Variants in DDAH1 observed in about 807,000 individuals in gnomAD.
DDAH1 encodes dimethylarginine dimethylaminohydrolase 1.
DDAH1 carries 19 observed loss-of-function variants against 28.8 expected under a neutral mutation model. That is an observed-to-expected ratio of 0.66 (90% confidence interval 0.46 to 0.97). The LOEUF (loss-of-function observed/expected upper bound fraction) is 0.97. Ranked by LOEUF, DDAH1 falls within the 50% of genes least tolerant of loss-of-function variation. The pLI is 0.00. For synonymous variants in DDAH1, 153 were observed against 154.4 expected (o/e 0.99, Z 0.07); for missense variants, 326 against 375.9 (o/e 0.87, Z 1.10).
intron 1 of DDAH1, among the ~76,000 whole-genome samples, chr1:85,573,588 G>C (rs1222604983): frequency 7.9e-5 from 12 of 152,136 alleles, no homozygotes; most frequent in Admixed American, 7.9e-4. Context: ...ATGCCAAGTG[G>C]AGAAAATAAA....
At chr1:85,563,716 ACTC>A (rs1659204972) in intron 1 of DDAH1, among the ~76,000 whole-genome samples, 1 of 152,230 alleles carries the variant, frequency 6.6e-6, no homozygotes, top group South Asian at 2.1e-4. Context: ...ATGTAAACAG[ACTC>A]AGAAATGACA....
At chr1:85,408,840 G>A (rs1372244867) in intron 1 of DDAH1, among the ~76,000 whole-genome samples, 3 of 152,146 alleles carry the variant, frequency 2.0e-5, no homozygotes, top group African/African-American at 4.8e-5. Context: ...GTAGTAAGAC[G>A]AATATGATGG....
chr1:85,402,749 A>G (rs1652176428), intron 1 of DDAH1, among the ~76,000 whole-genome samples: 1 of 152,030 alleles, frequency 6.6e-6, no homozygotes, highest in South Asian at 2.1e-4. Flanking sequence ...CTCTACTAAA[A>G]ATACAAAAAA....
chr1:85,416,250 G>GT (rs1652881603), intron 1 of DDAH1, among the ~76,000 whole-genome samples: 1 of 150,790 alleles, frequency 6.6e-6, no homozygotes, highest in Admixed American at 6.6e-5. Flanking sequence ...TTTGGTTTTT[G>GT]TTTTTTTGGG....
At chr1:85,568,605 C>T (rs1659372073) in intron 1 of DDAH1, among the ~76,000 whole-genome samples, 1 of 152,058 alleles carries the variant, frequency 6.6e-6, no homozygotes, top group South Asian at 2.1e-4. Context: ...ATTAGGAACC[C>T]TAGATTGCTT....
chr1:85,414,292 G>C (rs891561127), intron 1 of DDAH1, among the ~76,000 whole-genome samples: 5 of 152,116 alleles, frequency 3.3e-5, no homozygotes, highest in African/African-American at 1.2e-4. Flanking sequence ...TATACGGTGT[G>C]GGTAACAAGA....
At chr1:85,361,493 C>T (rs142271487) in intron 1 of DDAH1, among the ~76,000 whole-genome samples, 5 of 152,230 alleles carry the variant, frequency 3.3e-5, no homozygotes, top group East Asian at 1.9e-4. Flanking sequence ...TTAATTCCAA[C>T]GGCTGAGCTG....
chr1:85,457,116 T>C (rs779314778), intron 1 of DDAH1, among the ~76,000 whole-genome samples: 1 of 152,214 alleles, frequency 6.6e-6, no homozygotes, highest in Non-Finnish European at 1.5e-5. Flanking sequence ...GTTCTGTACC[T>C]GTTTCTTTTG....
chr1:85,395,737 A>G (rs189914252), intron 1 of DDAH1, among the ~76,000 whole-genome samples: 1 of 152,266 alleles, frequency 6.6e-6, no homozygotes, highest in African/African-American at 2.4e-5. Flanking sequence ...GGTCTTTGCA[A>G]GTTTTAGAAG....
intron 1 of DDAH1, among the ~76,000 whole-genome samples, chr1:85,462,268 G>C (rs1426952586): frequency 6.6e-6 from 1 of 152,148 alleles, no homozygotes; most frequent in Non-Finnish European, 1.5e-5. Flanking sequence ...GGGGATGCTT[G>C]GGGTGGGATC....
chr1:85,462,066 C>A (rs969107177), intron 1 of DDAH1, among the ~76,000 whole-genome samples: 5 of 152,084 alleles, frequency 3.3e-5, no homozygotes, highest in Non-Finnish European at 1.5e-5. Context: ...ATGAAATGCA[C>A]ATCATAAATC....
At chr1:85,331,423 G>A (rs368882258) in intron 4 of DDAH1, among the ~76,000 whole-genome samples, 1 of 148,502 alleles carries the variant, frequency 6.7e-6, no homozygotes, top group Non-Finnish European at 1.5e-5. Flanking sequence ...ATTCATATAT[G>A]TATATATATA....
At chr1:85,394,314 T>C (rs925843340) in intron 1 of DDAH1, among the ~76,000 whole-genome samples, 30 of 152,208 alleles carry the variant, frequency 2.0e-4, no homozygotes, top group African/African-American at 5.8e-4. Flanking sequence ...CCCCTTTCCA[T>C]GCCTGCTTTC....
chr1:85,415,276 A>G (rs956869058), intron 1 of DDAH1, among the ~76,000 whole-genome samples: 2 of 152,106 alleles, frequency 1.3e-5, no homozygotes, highest in African/African-American at 4.8e-5. Context: ...GGCCTCCCAA[A>G]GTCTTGGGAT....
At chr1:85,425,787 G>A (rs1049109737) in intron 1 of DDAH1, among the ~76,000 whole-genome samples, 5 of 152,166 alleles carry the variant, frequency 3.3e-5, no homozygotes, top group Non-Finnish European at 1.5e-5. Flanking sequence ...TGAATAAGCT[G>A]TCTGAGTTCA....
Position 85,358,747 on chromosome 1 carries a change from C to A in DDAH1, c.403+1G>T, listed in dbSNP as rs1204702125. On this transcript the variant is annotated splice_donor_variant, in intron 2 of 5. Coordinates refer to ENST00000284031, the MANE Select transcript of DDAH1 (RefSeq NM_012137.4). LOFTEE classifies it high-confidence loss of function. ...GATAGAAAAAATAAATACAACTATA[C>A]CTGTGAATAAAACATCTCCGCCATC... The A allele has an allele frequency of 1.3e-6, 2 of 1,580,046 alleles. No homozygotes were observed. The highest frequency in any genetic ancestry group is 8.7e-7 in the Non-Finnish European group (1 of 1,151,916).
At chr1:85,545,394 A>G (rs927622969) in intron 1 of DDAH1, among the ~76,000 whole-genome samples, 6 of 152,206 alleles carry the variant, frequency 3.9e-5, no homozygotes, top group African/African-American at 1.4e-4. Context: ...AATTTCCTGA[A>G]GCCCTTCTCG....
intron 5 of DDAH1, 74 bp downstream of exon 5, chr1:85,324,666 T>C (rs1156480713): frequency 6.4e-7 from 1 of 1,551,012 alleles, no homozygotes; most frequent in Non-Finnish European, 8.8e-7. Context: ...GAGGCTCCTA[T>C]TGGTCACTCC....
intron 1 of DDAH1, among the ~76,000 whole-genome samples, chr1:85,423,426 G>T (rs1653243030): frequency 6.6e-6 from 1 of 152,134 alleles, no homozygotes; most frequent in South Asian, 2.1e-4. Flanking sequence ...TTTCATCCAA[G>T]TTTTATGGTT....
Sources: gnomAD v4.1 joint callset for allele counts (sites outside exome capture counted in the v4.1 genomes callset) on GRCh38, gnomAD v4.1.1 for gene constraint, MANE v1.5 for transcripts, NCBI Gene and HGNC (gene_info 2026-07-23, HGNC 2026-07-21) for gene names.